The following DPY19L3 variants were observed in gnomAD, a reference collection of about 807,000 sequenced individuals.
The protein encoded by DPY19L3 is dpy-19 like C-mannosyltransferase 3, also known as protein C-mannosyl-transferase DPY19L3.
Under a neutral mutation model 92.3 loss-of-function variants are expected in DPY19L3, and 51 were observed. The observed-to-expected ratio is 0.55, with a 90% CI of 0.44 to 0.70. The LOEUF is 0.70. Ranked by LOEUF, DPY19L3 falls within the 30% of genes least tolerant of loss-of-function variation. The pLI, the probability that DPY19L3 is intolerant of heterozygous loss-of-function variation, is 0.00. For missense variants in DPY19L3, 706 were observed against 855.9 expected, an observed-to-expected ratio of 0.82 and a Z score of 2.18; for synonymous variants, 309 against 315.2, an observed-to-expected ratio of 0.98 and a Z score of 0.21.
intron 16 of DPY19L3, among the ~76,000 whole-genome samples, chr19:32,471,926 G>A (rs1240364425): frequency 1.3e-5 from 2 of 152,172 alleles, no homozygotes; most frequent in South Asian, 2.1e-4. Context: ...CTGAAGTTGT[G>A]CACTTATTAA....
chr19:32,481,132 A>G lies in DPY19L3; in HGVS notation c.1989+575A>G, dbSNP rs181463797. ...TTCTGAGGAAAGTGTTCTTGGAGCT[A>G]TGCCAGGTCTCAGTAGAGCAAACAG... On this transcript the variant is annotated intron_variant, in intron 18 of 18. Coordinates refer to ENST00000392250, the MANE Select transcript of DPY19L3 (RefSeq NM_001172774.2). 1.9e-5 allele frequency: 4 copies of G among 207,322 alleles called. No individual in the cohort carries two copies. The East Asian group carries it at 3.0e-4, about 16-fold the overall frequency. The allele number at this position is 207,322 out of a possible 1,614,324, so 12.8% of individuals were successfully genotyped here.
At position 32,480,973 on chromosome 19, in the gene DPY19L3, G is replaced by A. The variant is rs114006296; in HGVS notation, c.1989+416G>A. Reference sequence around the variant, plus strand: ...GCCCTCCTGCCCTCCGGTCTAGGTGGTGGATTCCCCCTACCCCTCCTGCCC... The same window carrying A: ...GCCCTCCTGCCCTCCGGTCTAGGTGATGGATTCCCCCTACCCCTCCTGCCC... On this transcript the variant is annotated intron_variant, in intron 18 of 18. Transcript: ENST00000392250. 4.1e-3 allele frequency: 1,686 copies of A among 409,358 alleles called. 25 individuals are homozygous for A. Among genetic ancestry groups the A allele is most frequent in the African/African-American group, 0.031 (1,530 of 48,902 alleles). The allele number at this position is 409,358 out of a possible 1,614,324, so 25.4% of individuals were successfully genotyped here.
rs113471608 is a variant in DPY19L3, at chr19:32,482,089, G to A, written c.2000G>A (p.Gly667Asp). The A allele has an allele frequency of 6.0e-4, 970 of 1,613,268 alleles. 10 individuals carry two copies. In the African/African-American group the frequency reaches 8.8e-3, roughly 15 times the overall value. Residue 667 changes from glycine (G) to aspartate (D), a missense_variant, in exon 19 of 19, where the codon GGC (glycine) becomes GAC (aspartate). Physicochemically the swap from Gly to Asp is moderately conservative, Grantham distance 94. Coordinates refer to ENST00000392250, the MANE Select transcript of DPY19L3 (RefSeq NM_001172774.2). ...LDIANGHMMD[G>D]PGENDPDLKP... ...TTGTTTTGGTTTTAGATGATGGATGGCCCAGGAGAGAATGATCCTGATTTG... is the reference window on the plus strand; with the variant it reads ...TTGTTTTGGTTTTAGATGATGGATGACCCAGGAGAGAATGATCCTGATTTG...
At chr19:32,463,795 C>A in intron 13 of DPY19L3, 74 bp from the exon 14 acceptor site, 1 of 1,300,290 alleles carries the variant, frequency 7.7e-7, no homozygotes, top group Non-Finnish European at 1.1e-6. Flanking sequence ...GTAAAGCTGC[C>A]TTTATAGGTG....
chr19:32,456,443 CTTT>C (rs560654738), intron 10 of DPY19L3, among the ~76,000 whole-genome samples: 1 of 144,694 alleles, frequency 6.9e-6, no homozygotes. Flanking sequence ...ATTTTTTTTG[CTTT>C]TTTTTTTTGA....
chr19:32,469,374 G>T (rs1271348522), intron 16 of DPY19L3, among the ~76,000 whole-genome samples: 1 of 151,796 alleles, frequency 6.6e-6, no homozygotes, highest in Non-Finnish European at 1.5e-5. Context: ...GGTGGCAGGT[G>T]CCTCCTAGCT....
intron 8 of DPY19L3, among the ~76,000 whole-genome samples, chr19:32,451,930 A>T (rs1969713835): frequency 6.6e-6 from 1 of 151,926 alleles, no homozygotes; most frequent in South Asian, 2.1e-4. Flanking sequence ...AACCTCCTGG[A>T]CTCAAGTGAT....
chr19:32,423,422 G>GTTTTTTTTTT (rs1599601418), intron 3 of DPY19L3, among the ~76,000 whole-genome samples: 23 of 48,518 alleles, frequency 4.7e-4, no homozygotes, highest in South Asian at 1.3e-3. Context: ...TTTTTTTTTG[G>GTTTTTTTTTT]TATTTTTAGT....
At chr19:32,475,759 G>A (rs1324209397) in intron 16 of DPY19L3, among the ~76,000 whole-genome samples, 1 of 152,162 alleles carries the variant, frequency 6.6e-6, no homozygotes, top group Non-Finnish European at 1.5e-5. Context: ...GACCATGTGG[G>A]ACAGAATGTG....
chr19:32,470,581 A>G (rs955989193), intron 16 of DPY19L3, among the ~76,000 whole-genome samples: 3 of 152,122 alleles, frequency 2.0e-5, no homozygotes, highest in Non-Finnish European at 2.9e-5. Context: ...TAGTGCCTTT[A>G]TTTTTATGCT....
rs928575860 is a variant in DPY19L3, at chr19:32,408,365, T to G, written c.103+9T>G. 1.0e-5 allele frequency: 16 copies of G among 1,603,414 alleles called. No individual in the cohort carries two copies. Among genetic ancestry groups the G allele is most frequent in the Non-Finnish European group, 1.3e-5 (15 of 1,171,530 alleles). ...AAATAAATTGCCATCTGGTAGGTGA[T>G]TTAAACTAAAGCAGCAATTTGGGTT... is the stretch of plus-strand genomic sequence containing the variant. On this transcript the variant is annotated intron_variant, in intron 2 of 18. Coordinates refer to ENST00000392250, the MANE Select transcript of DPY19L3 (RefSeq NM_001172774.2).
intron 8 of DPY19L3, among the ~76,000 whole-genome samples, chr19:32,448,071 A>G (rs1370416810): frequency 1.3e-5 from 2 of 152,180 alleles, no homozygotes; most frequent in East Asian, 3.8e-4. Flanking sequence ...ATGTACGTGT[A>G]ACGAAACCGT....
chr19:32,447,094 T>TA (rs1477801995), intron 8 of DPY19L3, among the ~76,000 whole-genome samples: 2 of 152,186 alleles, frequency 1.3e-5, no homozygotes, highest in African/African-American at 4.8e-5. Context: ...AGCTCACTAT[T>TA]ACATCTATAG....
At chr19:32,475,105 G>A (rs1481857092) in intron 16 of DPY19L3, among the ~76,000 whole-genome samples, 1 of 152,218 alleles carries the variant, frequency 6.6e-6, no homozygotes, top group Non-Finnish European at 1.5e-5. Flanking sequence ...GCTGTGGCTG[G>A]ATAACAAGGC....
chr19:32,472,531 ATTT>A (rs3038605), intron 16 of DPY19L3, among the ~76,000 whole-genome samples: 105 of 134,614 alleles, frequency 7.8e-4, no homozygotes, highest in Middle Eastern at 3.7e-3. Context: ...AAAAACTTGG[ATTT>A]TTTTTTTTTT....
chr19:32,477,663 C>T lies in DPY19L3; in HGVS notation c.1830+9C>T, dbSNP rs990698717. On this transcript the variant is annotated intron_variant, in intron 17 of 18. Coordinates refer to ENST00000392250, the MANE Select transcript of DPY19L3 (RefSeq NM_001172774.2). ...GAGAGCGGACCAGAGCGGTGAGGCT[C>T]CCCAGTGCCTCCCCTCGCTTCTTGT... 1.9e-6 allele frequency: 3 copies of T among 1,613,774 alleles called. No individual in the cohort carries two copies.
intron 16 of DPY19L3, among the ~76,000 whole-genome samples, chr19:32,471,476 G>T (rs1051751213): frequency 2.6e-5 from 4 of 152,212 alleles, no homozygotes; most frequent in African/African-American, 9.6e-5. Flanking sequence ...ATAGTGGCCT[G>T]TGGAAACCCT....
rs1183510655 is a variant in DPY19L3 at position 32,483,175 on chromosome 19, C to T, written c.*935C>T. The T allele has an allele frequency of 1.3e-5, 2 of 152,054 alleles. No individual in the cohort carries two copies. Among genetic ancestry groups the T allele is most frequent in the Non-Finnish European group, 2.9e-5 (2 of 67,982 alleles). The allele number at this position is 152,054 out of a possible 1,614,324, so 9.4% of individuals were successfully genotyped here. On this transcript the variant is annotated 3_prime_UTR_variant, in exon 19 of 19. Transcript: ENST00000392250. ...AAAGTCTGAATATTTTTTAAATGTT[C>T]TATCTTAACTAGTTCACTAATACAG...
rs758786897 is a variant in DPY19L3, at chr19:32,432,766, C to A, written c.288C>A (p.Ser96=). The change falls in exon 4 of 19, where the codon TCC becomes TCA. Residue 96 remains serine, a synonymous_variant. Coordinates refer to ENST00000392250, the MANE Select transcript of DPY19L3 (RefSeq NM_001172774.2). ...GAACAGAGTGTGGCCTGTATTACTCCTACTACAAGCAGATGCTGCAGGCTC... is the reference window on the plus strand; with the variant it reads ...GAACAGAGTGTGGCCTGTATTACTCATACTACAAGCAGATGCTGCAGGCTC... The part of the protein sequence containing the change: ...SFRTECGLYY[S]YYKQMLQAPT... 41 of 1,613,738 alleles carry A rather than the reference C, an allele frequency of 2.5e-5. No individual in the cohort carries two copies. The highest frequency in any genetic ancestry group is 3.3e-5 in the Admixed American group (2 of 59,966).
Sources: allele counts gnomAD v4.1 joint callset (sites outside exome capture counted in the v4.1 genomes callset), GRCh38; gene constraint gnomAD v4.1.1; transcripts MANE v1.5; gene names NCBI Gene and HGNC (gene_info 2026-07-23, HGNC 2026-07-21).